The following VPS8 variants were observed in gnomAD, a reference collection of about 807,000 sequenced individuals.
VPS8 encodes vacuolar protein sorting-associated protein 8 homolog.
A neutral mutation model predicts 216.4 loss-of-function variants in VPS8; 129 were observed. The ratio of observed to expected loss-of-function variants is 0.60; its 90% CI spans 0.52 to 0.69. The LOEUF is 0.69. Among genes scored for constraint, VPS8 ranks in the 30% least tolerant of loss-of-function variants. VPS8 has a pLI of 0.00. For missense variants in VPS8, 1,531 were observed against 1,683.5 expected (o/e 0.91, Z 1.59); for synonymous variants, 571 against 565.4 (o/e 1.01, Z -0.14).
intron 1 of VPS8, among the ~76,000 whole-genome samples, chr3:184,821,382 T>C (rs952746583): frequency 1.3e-5 from 2 of 152,048 alleles, no homozygotes; most frequent in Admixed American, 1.3e-4. Flanking sequence ...CTTGCTCTGT[T>C]GCCCAGGCTG....
chr3:184,957,531 A>G lies in VPS8; in HGVS notation c.3183+10A>G, dbSNP rs2109478863. On this transcript the variant is annotated intron_variant, in intron 37 of 47. Coordinates refer to ENST00000625842, the MANE Select transcript of VPS8 (RefSeq NM_001009921.3). ...GGAAGAAACTATTCAGGTGAGACGA[A>G]CAATGTAAAAGAGACAAGAGTAAAC... The G allele has an allele frequency of 6.2e-7, 1 of 1,605,042 alleles. No individual in the cohort carries two copies. Among genetic ancestry groups the G allele is most frequent in the Non-Finnish European group, 8.5e-7 (1 of 1,176,012 alleles).
intron 45 of VPS8, among the ~76,000 whole-genome samples, chr3:185,010,237 A>G (rs1295568121): frequency 6.6e-6 from 1 of 152,204 alleles, no homozygotes; most frequent in Non-Finnish European, 1.5e-5. Flanking sequence ...AGATAAAACT[A>G]TTTGCAAGTA....
intron 22 of VPS8, 129 bp from the exon 23 acceptor site, chr3:184,894,574 A>G: frequency 1.6e-6 from 1 of 635,796 alleles, no homozygotes; most frequent in Non-Finnish European, 2.7e-6. Flanking sequence ...CTCTGTGAAT[A>G]TTATTGCCAT....
At chr3:184,970,095 G>T (rs1748159958) in intron 39 of VPS8, among the ~76,000 whole-genome samples, 1 of 151,436 alleles carries the variant, frequency 6.6e-6, no homozygotes, top group African/African-American at 2.4e-5. Context: ...ATTTTTAGTA[G>T]AGTTGGGGTT....
At chr3:185,051,498 T>C (rs1196850372) in intron 47 of VPS8, among the ~76,000 whole-genome samples, 1 of 151,806 alleles carries the variant, frequency 6.6e-6, no homozygotes, top group Non-Finnish European at 1.5e-5. Context: ...AGAACAGAGC[T>C]CCTCAGCCCA....
chr3:185,037,956 C>T (rs918216521), intron 46 of VPS8, among the ~76,000 whole-genome samples: 1 of 152,146 alleles, frequency 6.6e-6, no homozygotes, highest in Non-Finnish European at 1.5e-5. Flanking sequence ...AATCTGACAT[C>T]TGTTTACTCT....
chr3:184,938,674 G>A (rs1435767655), intron 35 of VPS8, among the ~76,000 whole-genome samples: 4 of 142,370 alleles, frequency 2.8e-5, no homozygotes, highest in East Asian at 2.0e-4. Context: ...TAGTCTCTAC[G>A]GATATTAAGA....
intron 38 of VPS8, among the ~76,000 whole-genome samples, chr3:184,965,079 C>T (rs1047765587): frequency 3.9e-5 from 6 of 152,174 alleles, no homozygotes; most frequent in South Asian, 2.1e-4. Flanking sequence ...CCAGTTTCTC[C>T]GCATTCTTGC....
chr3:184,868,121 T>G (rs1202926007), intron 18 of VPS8, 62 bp downstream of exon 18: 2 of 1,552,080 alleles, frequency 1.3e-6, no homozygotes, highest in Non-Finnish European at 1.8e-6. Flanking sequence ...AACATTTCTG[T>G]TTTGACTTTT....
intron 1 of VPS8, among the ~76,000 whole-genome samples, chr3:184,817,039 G>A (rs1182419130): frequency 2.6e-5 from 4 of 152,006 alleles, no homozygotes; most frequent in East Asian, 3.8e-4. Flanking sequence ...CTGAATTAAC[G>A]TAAAAGAACA....
intron 45 of VPS8, among the ~76,000 whole-genome samples, chr3:185,023,417 G>A (rs1756921352): frequency 6.6e-6 from 1 of 151,984 alleles, no homozygotes; most frequent in Admixed American, 6.6e-5. Flanking sequence ...AGTGCTATTG[G>A]CTGGACGCAG....
intron 46 of VPS8, among the ~76,000 whole-genome samples, chr3:185,047,532 G>A (rs1713206323): frequency 6.6e-6 from 1 of 152,074 alleles, no homozygotes; most frequent in African/African-American, 2.4e-5. Context: ...TCATGATATA[G>A]GGCAAAGAAA....
Position 184,957,430 on chromosome 3 carries a change from A to G in VPS8, c.3092A>G (p.Gln1031Arg). 1.2e-6 allele frequency: 2 copies of G among 1,612,622 alleles called. No individual in the cohort carries two copies. The highest frequency in any genetic ancestry group is 1.7e-5 in the Admixed American group (1 of 59,796). The change falls in exon 37 of 48, where the codon CAG (glutamine) becomes CGG (arginine). Residue 1031 changes from glutamine to arginine, a missense_variant. Around this residue, in one of 3 missense-constraint regions of VPS8, gnomAD observed 1,318 missense variants for 1,468.4 expected, o/e 0.90. Transcript: ENST00000625842. ...LLQISPCITEQFIELLCQFNP... is the reference protein window; with the variant it reads ...LLQISPCITERFIELLCQFNP... Reference sequence around the variant, plus strand: ...CAAATATCTCCTTGTATCACAGAGCAGTTCATTGAGCTGTTGTGTCAGTTC... The same window carrying G: ...CAAATATCTCCTTGTATCACAGAGCGGTTCATTGAGCTGTTGTGTCAGTTC...
intron 25 of VPS8, among the ~76,000 whole-genome samples, chr3:184,905,193 A>G (rs535823328): frequency 1.3e-5 from 2 of 152,198 alleles, no homozygotes; most frequent in Non-Finnish European, 2.9e-5. Context: ...CCACCTCCCA[A>G]CATTGTTGCA....
At chr3:185,020,978 A>G (rs1270110082) in intron 45 of VPS8, among the ~76,000 whole-genome samples, 2 of 152,206 alleles carry the variant, frequency 1.3e-5, no homozygotes, top group East Asian at 3.9e-4. Flanking sequence ...AGGCTGAAGC[A>G]GGAGAATCAC....
intron 46 of VPS8, among the ~76,000 whole-genome samples, chr3:185,041,846 A>G (rs775498171): frequency 6.6e-5 from 10 of 152,198 alleles, no homozygotes; most frequent in Non-Finnish European, 5.9e-5. Context: ...TCTCAAATCA[A>G]TTGTGCCAGC....
At chr3:184,966,196 A>G (rs1285089295) in intron 38 of VPS8, among the ~76,000 whole-genome samples, 1 of 152,098 alleles carries the variant, frequency 6.6e-6, no homozygotes, top group Admixed American at 6.6e-5. Flanking sequence ...GAGGAGTGCC[A>G]TGCTCTTTTA....
chr3:185,031,173 A>C (rs1007380423), intron 46 of VPS8, among the ~76,000 whole-genome samples: 2 of 150,412 alleles, frequency 1.3e-5, no homozygotes, highest in Non-Finnish European at 2.9e-5. Context: ...TGGCCCTAAG[A>C]ATGGCTGGTT....
chr3:185,032,976 T>C (rs1247926940), intron 46 of VPS8, among the ~76,000 whole-genome samples: 1 of 152,160 alleles, frequency 6.6e-6, no homozygotes, highest in Non-Finnish European at 1.5e-5. Flanking sequence ...CCCTTTATTT[T>C]TTAAGAGTAC....
Sources: gnomAD v4.1 joint callset for allele counts (sites outside exome capture counted in the v4.1 genomes callset) on GRCh38, gnomAD v4.1.1 for gene constraint, gnomAD v4.1.1 regional missense constraint, MANE v1.5 for transcripts, NCBI Gene and HGNC (gene_info 2026-07-23, HGNC 2026-07-21) for gene names.